The following CADM2 variants were observed in gnomAD, a reference collection of about 807,000 sequenced individuals.
CADM2 encodes immunoglobulin superfamily member 4D.
In CADM2, 12 loss-of-function variants were observed where a neutral mutation model predicts 49.8. The observed-to-expected ratio is 0.24, with a 90% confidence interval of 0.15 to 0.39. The LOEUF (loss-of-function observed/expected upper bound fraction) is 0.39, where lower values mean the gene tolerates loss of function less well. Ranked by LOEUF, CADM2 falls within the 10% of genes least tolerant of loss-of-function variation. The pLI is 1.00. For synonymous variants in CADM2, 214 were observed against 175.4 expected (o/e 1.22, Z -1.74); for missense variants, 378 against 492.3 (o/e 0.77, Z 2.20).
intron 1 of CADM2, among the ~76,000 whole-genome samples, chr3:85,098,917 T>C (rs2037908041): frequency 6.6e-6 from 1 of 152,224 alleles, no homozygotes; most frequent in Admixed American, 6.5e-5. Context: ...TGCTTATTAC[T>C]GTTTGGCATG....
At chr3:85,877,416 A>G (rs1712039789) in intron 3 of CADM2, among the ~76,000 whole-genome samples, 1 of 152,144 alleles carries the variant, frequency 6.6e-6, no homozygotes, top group Non-Finnish European at 1.5e-5. Context: ...ATTTCCACTG[A>G]CAATATTACA....
At chr3:85,490,743 T>C (rs2039636535) in intron 1 of CADM2, among the ~76,000 whole-genome samples, 1 of 152,206 alleles carries the variant, frequency 6.6e-6, no homozygotes, top group African/African-American at 2.4e-5. Context: ...CTGAGGCTTT[T>C]TCACAATAAA....
chr3:85,330,800 A>AG (rs2044897587), intron 1 of CADM2, among the ~76,000 whole-genome samples: 1 of 151,478 alleles, frequency 6.6e-6, no homozygotes, highest in Non-Finnish European at 1.5e-5. Context: ...CTCCAAAAAA[A>AG]AAAAAAAAAA....
At chr3:85,610,013 CAT>C (rs1463495798) in intron 1 of CADM2, among the ~76,000 whole-genome samples, 2 of 151,840 alleles carry the variant, frequency 1.3e-5, no homozygotes, top group Non-Finnish European at 2.9e-5. Context: ...GTATTTATGA[CAT>C]GTTTAGTCCC....
At chr3:85,463,902 T>C (rs1466692947) in intron 1 of CADM2, among the ~76,000 whole-genome samples, 1 of 152,196 alleles carries the variant, frequency 6.6e-6, no homozygotes, top group Non-Finnish European at 1.5e-5. Flanking sequence ...TCTCAAAGTT[T>C]TAACTATAAT....
At chr3:86,055,595 T>G (rs2107354535) in intron 8 of CADM2, among the ~76,000 whole-genome samples, 1 of 151,542 alleles carries the variant, frequency 6.6e-6, no homozygotes, top group Admixed American at 6.6e-5. Flanking sequence ...GCCTCCTGAG[T>G]AGCTGAGATT....
At chr3:85,517,953 T>C (rs1312964884) in intron 1 of CADM2, among the ~76,000 whole-genome samples, 1 of 152,180 alleles carries the variant, frequency 6.6e-6, no homozygotes, top group Non-Finnish European at 1.5e-5. Context: ...CTTTCAATAC[T>C]TTCTTCTTAT....
Position 85,961,642 on chromosome 3 carries a change from T to A in CADM2, c.965T>A (p.Val322Glu). Residue 322 changes from valine (V) to glutamate (E), a missense_variant, in exon 8 of 10, where the codon GTG becomes GAG. Val to Glu is a moderately radical substitution (Grantham distance 121). Coordinates refer to ENST00000383699, the MANE Select transcript of CADM2 (RefSeq NM_001167675.2). ...AGCAGTGCGGAATATGTTCTCATTG[T>A]GCATGGTGAGTAAATTTTGGAAAAC... is the stretch of plus-strand genomic sequence containing the variant. Reference protein sequence around the residue: ...GQSSAEYVLIVHDPNALAGQN... With the variant: ...GQSSAEYVLIEHDPNALAGQN... The A allele has an allele frequency of 6.5e-7, 1 of 1,534,418 alleles. No homozygotes were observed. The highest frequency in any genetic ancestry group is 8.9e-7 in the Non-Finnish European group (1 of 1,126,828).
intron 1 of CADM2, among the ~76,000 whole-genome samples, chr3:85,265,299 AT>A (rs146359517): frequency 2.2e-4 from 33 of 151,138 alleles, no homozygotes; most frequent in South Asian, 6.3e-4. Context: ...ATCAAGGAAT[AT>A]TTTTTTTTGT....
At chr3:85,922,139 C>A (rs767217316) in intron 6 of CADM2, among the ~76,000 whole-genome samples, 2 of 151,632 alleles carry the variant, frequency 1.3e-5, no homozygotes, top group African/African-American at 2.4e-5. Flanking sequence ...CCTTCTTTTG[C>A]TTCTTTTCTT....
At chr3:85,852,644 A>G (rs927601936) in intron 3 of CADM2, among the ~76,000 whole-genome samples, 7 of 152,268 alleles carry the variant, frequency 4.6e-5, no homozygotes, top group African/African-American at 1.4e-4. Context: ...GACACTGTAA[A>G]TCTAGAAACA....
chr3:85,170,718 T>C (rs1048485897), intron 1 of CADM2, among the ~76,000 whole-genome samples: 3 of 152,218 alleles, frequency 2.0e-5, no homozygotes, highest in Non-Finnish European at 4.4e-5. Flanking sequence ...TTTGTCCTTA[T>C]GTTGGACAAA....
chr3:85,031,766 C>T (rs1214727595), intron 1 of CADM2, among the ~76,000 whole-genome samples: 2 of 151,952 alleles, frequency 1.3e-5, no homozygotes, highest in South Asian at 4.2e-4. Context: ...GTGATCCGCC[C>T]GCCTTGGCCT....
At chr3:85,521,832 T>G (rs1016418114) in intron 1 of CADM2, among the ~76,000 whole-genome samples, 4 of 152,046 alleles carry the variant, frequency 2.6e-5, no homozygotes, top group Non-Finnish European at 5.9e-5. Context: ...TAGAAAGCAC[T>G]TTTTGTGTAT....
chr3:85,353,709 A>G (rs984306730), intron 1 of CADM2, among the ~76,000 whole-genome samples: 1 of 151,950 alleles, frequency 6.6e-6, no homozygotes, highest in African/African-American at 2.4e-5. Flanking sequence ...AAGTATATTC[A>G]TTAGATATCT....
chr3:85,449,086 T>A (rs1035862349), intron 1 of CADM2, among the ~76,000 whole-genome samples: 24 of 58,382 alleles, frequency 4.1e-4, no homozygotes, highest in South Asian at 2.3e-3. Context: ...TGATAAAAAT[T>A]ATATAATTCA....
At chr3:85,495,125 A>C (rs891462293) in intron 1 of CADM2, among the ~76,000 whole-genome samples, 26 of 152,156 alleles carry the variant, frequency 1.7e-4, no homozygotes, top group African/African-American at 6.0e-4. Flanking sequence ...GAATTTAAAC[A>C]CTATAGTTTT....
chr3:85,009,644 T>G (rs1173862524), intron 1 of CADM2, among the ~76,000 whole-genome samples: 1 of 152,080 alleles, frequency 6.6e-6, no homozygotes, highest in Non-Finnish European at 1.5e-5. Flanking sequence ...GGCGGACGGA[T>G]TGCCTGAACT....
chr3:85,155,083 A>G (rs1336181991), intron 1 of CADM2, among the ~76,000 whole-genome samples: 3 of 146,446 alleles, frequency 2.0e-5, no homozygotes, highest in East Asian at 3.9e-4. Context: ...AAATTCACAC[A>G]TAACAATATT....
Sources: allele counts gnomAD v4.1 joint callset (sites outside exome capture counted in the v4.1 genomes callset), GRCh38; gene constraint gnomAD v4.1.1; transcripts MANE v1.5; gene names NCBI Gene and HGNC (gene_info 2026-07-23, HGNC 2026-07-21).